The following GALK2 variants were observed in gnomAD, a reference collection of about 807,000 sequenced individuals.
GALK2 encodes N-acetylgalactosamine kinase.
A neutral mutation model predicts 52.4 loss-of-function variants in GALK2; 36 were observed. That is an observed-to-expected ratio of 0.69 (90% CI 0.53 to 0.91). GALK2 has a LOEUF of 0.91. Ranked by LOEUF, GALK2 falls within the 40% of genes least tolerant of loss-of-function variation. The pLI is 0.00. For synonymous variants in GALK2, 176 were observed against 199.1 expected, an observed-to-expected ratio of 0.88 and a Z score of 0.98; for missense variants, 579 against 559.1, an observed-to-expected ratio of 1.04 and a Z score of -0.36.
chr15:49,203,059 TA>T (rs2141315061), intron 2 of GALK2, among the ~76,000 whole-genome samples: 1 of 152,266 alleles, frequency 6.6e-6, no homozygotes, highest in South Asian at 2.1e-4. Flanking sequence ...TTTATTAATT[TA>T]TTTATTTTGA....
At chr15:49,252,236 A>C (rs564773265) in intron 5 of GALK2, among the ~76,000 whole-genome samples, 1 of 152,192 alleles carries the variant, frequency 6.6e-6, no homozygotes, top group Non-Finnish European at 1.5e-5. Flanking sequence ...ATTGCACTCC[A>C]GTCTGGGTGA....
At chr15:49,177,739 CT>C in intron 1 of GALK2, 6 of 818,564 alleles carry the variant, frequency 7.3e-6, no homozygotes, top group Admixed American at 2.3e-5. Flanking sequence ...ATGCATCACC[CT>C]TTGCTTGTGG....
At chr15:49,348,428 T>TA (rs1458969301) in intron 3 of GALK2, among the ~76,000 whole-genome samples, 1 of 152,122 alleles carries the variant, frequency 6.6e-6, no homozygotes, top group African/African-American at 2.4e-5. Context: ...GATATATCAC[T>TA]AAAAAAACAG....
At chr15:49,306,314 A>G (rs747975594) in intron 8 of GALK2, among the ~76,000 whole-genome samples, 20 of 152,248 alleles carry the variant, frequency 1.3e-4, no homozygotes, top group Non-Finnish European at 1.8e-4. Context: ...CATTTTGGGA[A>G]ATAAATAACA....
rs747851240 is a variant in GALK2 at position 49,328,612 on chromosome 15, G to GTGATGATGA, written c.*463_*471dup. 1 of 1,590,932 alleles carries GTGATGATGA rather than the reference G, an allele frequency of 6.3e-7. No homozygotes were observed. The highest frequency in any genetic ancestry group is 8.6e-7 in the Non-Finnish European group (1 of 1,165,212). On this transcript the variant is annotated 3_prime_UTR_variant, in exon 10 of 10. Coordinates refer to ENST00000560031, the MANE Select transcript of GALK2 (RefSeq NM_002044.4). The stretch of plus-strand genomic sequence containing the variant: ...AAGTTGTAGTTGTCTGTTGATGATG[G>GTGATGATGA]TGATGATGATGATGATGACGATAGT...
intron 8 of GALK2, among the ~76,000 whole-genome samples, chr15:49,315,072 C>T (rs935417143): frequency 1.3e-5 from 2 of 152,150 alleles, no homozygotes; most frequent in Non-Finnish European, 2.9e-5. Context: ...GTATATATAG[C>T]CATGAACATT....
In GALK2 at chr15:49,328,224, C is replaced by T. The variant is rs1469213702; in HGVS notation, c.*65C>T. 6.5e-7 allele frequency: 1 copy of T among 1,528,298 alleles called. No homozygotes were observed. Among genetic ancestry groups the T allele is most frequent in the Non-Finnish European group, 8.8e-7 (1 of 1,135,810 alleles). 94.7% of individuals were successfully genotyped at this position (1,528,298 alleles called of 1,614,324 possible). On this transcript the variant is annotated 3_prime_UTR_variant, in exon 10 of 10. Transcript: ENST00000560031. ...TAGGAATTGGCAGGACTTTCTGTGCCACAGTAAATTAATCTTCCTTCTGTT... is the reference window on the plus strand; with the variant it reads ...TAGGAATTGGCAGGACTTTCTGTGCTACAGTAAATTAATCTTCCTTCTGTT...
chr15:49,355,059 G>C (rs1037961135), intron 3 of GALK2, among the ~76,000 whole-genome samples: 7 of 150,632 alleles, frequency 4.6e-5, no homozygotes, highest in African/African-American at 1.7e-4. Flanking sequence ...CTAACAAACA[G>C]AAAGGACATC....
chr15:49,234,896 A>G (rs1161142835), intron 3 of GALK2, among the ~76,000 whole-genome samples: 3 of 151,824 alleles, frequency 2.0e-5, no homozygotes, highest in Admixed American at 6.6e-5. Context: ...CCTCCTGAGT[A>G]GCTGGGACTA....
intron 3 of GALK2, among the ~76,000 whole-genome samples, chr15:49,229,189 G>A (rs1712268252): frequency 6.6e-6 from 1 of 152,144 alleles, no homozygotes; most frequent in Admixed American, 6.5e-5. Flanking sequence ...TTGATTCTTG[G>A]CACTTGTAGT....
intron 3 of GALK2, among the ~76,000 whole-genome samples, chr15:49,228,846 C>T (rs1266391907): frequency 6.7e-6 from 1 of 150,162 alleles, no homozygotes; most frequent in African/African-American, 2.5e-5. Flanking sequence ...AGGCACCCAC[C>T]ACCACACCTG....
At position 49,170,336 on chromosome 15, in the gene GALK2, G is replaced by C. The variant is rs760667559; in HGVS notation, c.14G>C (p.Ser5Thr). 3.8e-6 allele frequency: 6 copies of C among 1,590,868 alleles called. No individual in the cohort carries two copies. Among genetic ancestry groups the C allele is most frequent in the East Asian group, 2.3e-5 (1 of 44,082 alleles). The change falls in exon 1 of 10, where the codon AGC (serine) becomes ACC (threonine). Residue 5 changes from serine to threonine, a missense_variant. Coordinates refer to ENST00000560031, the MANE Select transcript of GALK2 (RefSeq NM_002044.4). ...ATCTAGCGAAATATGGCTACAGAGA[G>C]CCCTGCTACGCGTCGGGTCCAGGTG... Reference protein sequence around the residue: MATESPATRRVQVAE... With the variant: MATETPATRRVQVAE...
intron 1 of GALK2, among the ~76,000 whole-genome samples, chr15:49,193,259 A>G (rs1359371212): frequency 6.6e-6 from 1 of 151,866 alleles, no homozygotes; most frequent in African/African-American, 2.4e-5. Context: ...TGGCCTCCCA[A>G]AGTGCTGGGA....
At chr15:49,174,001 C>T in intron 1 of GALK2, among the ~76,000 whole-genome samples, 1 of 152,134 alleles carries the variant, frequency 6.6e-6, no homozygotes, top group Non-Finnish European at 1.5e-5. Flanking sequence ...CCTTGGTCTC[C>T]CTGGGATTAC....
intron 3 of GALK2, among the ~76,000 whole-genome samples, chr15:49,354,924 C>G (rs1219531966): frequency 6.6e-6 from 1 of 151,998 alleles, no homozygotes; most frequent in Admixed American, 6.5e-5. Flanking sequence ...TCAAGTGGGT[C>G]CCTGACCCCT....
At chr15:49,184,369 G>C (rs2086198483) in intron 1 of GALK2, among the ~76,000 whole-genome samples, 2 of 151,998 alleles carry the variant, frequency 1.3e-5, no homozygotes, top group Non-Finnish European at 2.9e-5. Flanking sequence ...TGTCTTTAGA[G>C]GTGAAGTTTG....
downstream of GALK2, chr15:49,335,486 G>C (rs2039547708): frequency 1.2e-6 from 2 of 1,613,078 alleles, no homozygotes; most frequent in Non-Finnish European, 1.7e-6. Context: ...CGGTATGTTG[G>C]AGCAGGTAGT....
intron 5 of GALK2, among the ~76,000 whole-genome samples, chr15:49,261,481 G>C (rs2092107623): frequency 6.6e-6 from 1 of 152,162 alleles, no homozygotes; most frequent in Middle Eastern, 3.4e-3. Context: ...AGACAATGGG[G>C]TTTTCCAGAT....
intron 5 of GALK2, among the ~76,000 whole-genome samples, chr15:49,268,600 T>A (rs2029872846): frequency 6.6e-6 from 1 of 152,210 alleles, no homozygotes; most frequent in South Asian, 2.1e-4. Flanking sequence ...GGCTGCTGTT[T>A]GGTCCAGTAG....
Sources: gnomAD v4.1 joint callset for allele counts (sites outside exome capture counted in the v4.1 genomes callset) on GRCh38, gnomAD v4.1.1 for gene constraint, MANE v1.5 for transcripts, NCBI Gene and HGNC (gene_info 2026-07-23, HGNC 2026-07-21) for gene names.